CPEB1: variants seen among roughly 807,000 people sequenced by gnomAD.
The protein encoded by CPEB1 is cytoplasmic polyadenylation element binding protein 1.
In CPEB1, 7 loss-of-function variants were observed where a neutral mutation model predicts 65.8. The observed-to-expected ratio is 0.11, with a 90% CI of 0.06 to 0.20. The LOEUF (loss-of-function observed/expected upper bound fraction) is 0.20, where lower values mean the gene tolerates loss of function less well. Ranked by LOEUF, CPEB1 falls within the 10% of genes least tolerant of loss-of-function variation. The pLI is 1.00. For synonymous variants in CPEB1, 262 were observed against 260.0 expected, an observed-to-expected ratio of 1.01 and a Z score of -0.08; for missense variants, 551 against 712.2, an observed-to-expected ratio of 0.77 and a Z score of 2.58.
chr15:82,603,669 C>T (rs2043308737), intron 3 of CPEB1, among the ~76,000 whole-genome samples: 1 of 152,116 alleles, frequency 6.6e-6, no homozygotes, highest in Non-Finnish European at 1.5e-5. Context: ...ATACTGGGCC[C>T]CTTGTCAAAG....
intron 3 of CPEB1, among the ~76,000 whole-genome samples, chr15:82,592,310 AGG>A (rs1295410680): frequency 1.3e-5 from 2 of 152,114 alleles, no homozygotes; most frequent in African/African-American, 4.8e-5. Flanking sequence ...TTTTTAGGCC[AGG>A]CATGGTGGCT....
intron 1 of CPEB1, chr15:82,638,101 T>C: frequency 3.0e-6 from 1 of 334,558 alleles, no homozygotes; most frequent in Non-Finnish European, 6.2e-6. Context: ...TTGAAGTATA[T>C]GAAGAAAATC....
chr15:82,642,533 G>A (rs587696379), intron 1 of CPEB1, among the ~76,000 whole-genome samples: 1 of 152,328 alleles, frequency 6.6e-6, no homozygotes, highest in African/African-American at 2.4e-5. Context: ...GGGTGACACA[G>A]TGAGACCTTG....
chr15:82,646,760 G>A (rs1266582844), intron 1 of CPEB1, among the ~76,000 whole-genome samples: 9 of 152,184 alleles, frequency 5.9e-5, no homozygotes, highest in Admixed American at 4.6e-4. Context: ...CGACCGCTGA[G>A]GAACCCATGA....
rs1362985959 is a variant in CPEB1, at chr15:82,620,191, G to A, written c.271+7002C>T. Among the ~76,000 whole-genome samples the A allele has an allele frequency of 5.3e-5, 8 of 152,000 alleles. No homozygotes were observed. The East Asian group carries it at 1.6e-3, about 30-fold the overall frequency. ...TGGGAAGCCAAGGCAGGCGGATCAC[G>A]AGGTCAGGAGTTTGAGACCAGCCTT... On this transcript the variant is annotated intron_variant, in intron 3 of 12. Coordinates refer to ENST00000684509, the MANE Select transcript of CPEB1 (RefSeq NM_001365242.1).
At chr15:82,614,246 C>T (rs906489642) in intron 3 of CPEB1, among the ~76,000 whole-genome samples, 1 of 152,122 alleles carries the variant, frequency 6.6e-6, no homozygotes, top group African/African-American at 2.4e-5. Flanking sequence ...CTCAAGTGAC[C>T]CTCTCACCTT....
intron 3 of CPEB1, among the ~76,000 whole-genome samples, chr15:82,575,040 A>C (rs565508100): frequency 2.0e-5 from 3 of 152,326 alleles, no homozygotes; most frequent in African/African-American, 7.2e-5. Context: ...CACCTCATGT[A>C]ATTTATTGAA....
At chr15:82,638,128 C>T in intron 1 of CPEB1, 1 of 300,264 alleles carries the variant, frequency 3.3e-6, no homozygotes, top group South Asian at 2.9e-5. Context: ...CACACAGATA[C>T]ATAGTTGGAA....
intron 1 of CPEB1, chr15:82,638,058 C>T (rs752620735): frequency 1.0e-4 from 45 of 439,108 alleles, no homozygotes; most frequent in Admixed American, 2.7e-4. Context: ...TGGTCTGTTT[C>T]TGTATTTAAT....
chr15:82,628,486 G>C lies in CPEB1; in HGVS notation c.-27C>G, dbSNP rs774156839. 18 of 702,214 alleles carry C rather than the reference G, an allele frequency of 2.6e-5. No homozygotes were observed. Among genetic ancestry groups the C allele is most frequent in the Non-Finnish European group, 4.2e-5 (16 of 384,864 alleles). 43.5% of individuals were successfully genotyped at this position (702,214 alleles called of 1,614,324 possible). A position where few individuals can be genotyped will look rare whatever the true frequency, so the allele number is the denominator to read the frequency against. ...TTGACATTAGATGATCTGGCAAAAG[G>C]GTTCCGATTATTCAAGGCTGCTTTT... On this transcript the variant is annotated 5_prime_UTR_variant, in exon 2 of 13. Coordinates refer to ENST00000684509, the MANE Select transcript of CPEB1 (RefSeq NM_001365242.1).
At chr15:82,560,400 G>GTTTT (rs548856094) in intron 4 of CPEB1, among the ~76,000 whole-genome samples, 3 of 134,374 alleles carry the variant, frequency 2.2e-5, no homozygotes, top group Non-Finnish European at 3.2e-5. Flanking sequence ...ATTGTCATTT[G>GTTTT]TTTTTTTTTT....
intron 1 of CPEB1, chr15:82,633,036 G>C (rs2046386585): frequency 6.6e-6 from 1 of 152,134 alleles, no homozygotes; most frequent in African/African-American, 2.4e-5. Flanking sequence ...TTGCCTGACA[G>C]TTCCTGCCCT....
At chr15:82,573,230 G>A (rs1171052518) in intron 3 of CPEB1, 2 of 1,389,828 alleles carry the variant, frequency 1.4e-6, no homozygotes, top group Admixed American at 2.8e-5. Flanking sequence ...TCCTTCCTTT[G>A]GAGATTTTTT....
chr15:82,645,009 G>T (rs2047385971), intron 1 of CPEB1, among the ~76,000 whole-genome samples: 1 of 152,166 alleles, frequency 6.6e-6, no homozygotes, highest in Non-Finnish European at 1.5e-5. Context: ...AACCCAAACT[G>T]CAAACGGTTC....
chr15:82,639,074 G>C (rs2046894423), intron 1 of CPEB1, among the ~76,000 whole-genome samples: 1 of 152,148 alleles, frequency 6.6e-6, no homozygotes, highest in Non-Finnish European at 1.5e-5. Flanking sequence ...AAAGGGTTTT[G>C]GTGACCACTA....
intron 1 of CPEB1, among the ~76,000 whole-genome samples, chr15:82,643,996 A>G (rs1444567693): frequency 6.6e-6 from 1 of 152,202 alleles, no homozygotes; most frequent in African/African-American, 2.4e-5. Flanking sequence ...GTTAGTACTG[A>G]AATTTTAACT....
chr15:82,647,553 G>C (rs1419888580), upstream of CPEB1: 1 of 301,672 alleles, frequency 3.3e-6, no homozygotes, highest in African/African-American at 2.2e-5. Context: ...CTCCCGTCTG[G>C]ACAGACGCTC....
intron 4 of CPEB1, among the ~76,000 whole-genome samples, chr15:82,560,403 T>TC (rs1325777788): frequency 6.7e-6 from 1 of 150,260 alleles, no homozygotes; most frequent in African/African-American, 2.4e-5. Context: ...GTCATTTGTT[T>TC]TTTTTTTTTT....
At chr15:82,613,379 GT>G (rs1169465337) in intron 3 of CPEB1, among the ~76,000 whole-genome samples, 1 of 151,966 alleles carries the variant, frequency 6.6e-6, no homozygotes, top group South Asian at 2.1e-4. Flanking sequence ...TTTCTTGGGG[GT>G]TTTTTTGTTT....
Sources: allele counts gnomAD v4.1 joint callset (sites outside exome capture counted in the v4.1 genomes callset), GRCh38; gene constraint gnomAD v4.1.1; transcripts MANE v1.5; gene names NCBI Gene and HGNC (gene_info 2026-07-23, HGNC 2026-07-21).